PTPRT: variants seen among roughly 807,000 people sequenced by gnomAD.
The protein encoded by PTPRT is receptor-type tyrosine-protein phosphatase T.
A neutral mutation model predicts 176.8 loss-of-function variants in PTPRT; 56 were observed. The observed-to-expected ratio is 0.32, with a 90% CI of 0.26 to 0.40. PTPRT has a LOEUF of 0.40. PTPRT is among the 10% of genes least tolerant of loss of function. The probability of loss-of-function intolerance (pLI) is 1.00; values close to 1 mark genes in which losing one functional copy is unlikely to be tolerated. For missense variants in PTPRT, 1,540 were observed against 1,908.2 expected (o/e 0.81, Z 3.60); for synonymous variants, 783 against 739.0 (o/e 1.06, Z -0.96).
chr20:42,939,084 T>C (rs1043458801), intron 1 of PTPRT, among the ~76,000 whole-genome samples: 1 of 152,202 alleles, frequency 6.6e-6, no homozygotes, highest in Non-Finnish European at 1.5e-5. Flanking sequence ...GTGTAATCCA[T>C]AGAAAGATGA....
rs373591441 is a variant in PTPRT, at chr20:43,171,880, A to G, written c.88+17766T>C. The stretch of plus-strand genomic sequence containing the variant: ...AGAAAGAGCAGAGGACAAGTACCCT[A>G]ACCCCTCTCCTCCTGCCATACCATC... On this transcript the variant is annotated intron_variant, in intron 1 of 30. Transcript: ENST00000373187. 1.8e-4 allele frequency among the ~76,000 whole-genome samples: 27 copies of G among 152,318 alleles called. No homozygotes were observed. In the South Asian group the frequency reaches 5.4e-3, roughly 30 times the overall value.
intron 28 of PTPRT, among the ~76,000 whole-genome samples, chr20:42,085,457 G>A (rs722897): frequency 2.6e-5 from 4 of 152,020 alleles, no homozygotes; most frequent in African/African-American, 7.3e-5. Context: ...CAGTGGGGAA[G>A]AGCTAATGTC....
intron 27 of PTPRT, 149 bp downstream of exon 27, chr20:42,098,272 G>T: frequency 3.6e-6 from 4 of 1,097,058 alleles, no homozygotes; most frequent in Non-Finnish European, 5.1e-6. Flanking sequence ...TAGCAGAATG[G>T]CTTGTCTGAT....
intron 25 of PTPRT, among the ~76,000 whole-genome samples, chr20:42,104,205 C>T (rs771368870): frequency 1.3e-5 from 2 of 152,064 alleles, no homozygotes; most frequent in Non-Finnish European, 2.9e-5. Context: ...GTGGTGGCTC[C>T]TGCCTGTAAT....
chr20:42,838,939 T>C (rs904404591), intron 2 of PTPRT, among the ~76,000 whole-genome samples: 7 of 152,134 alleles, frequency 4.6e-5, no homozygotes, highest in Non-Finnish European at 8.8e-5. Flanking sequence ...TTGAGGCTCC[T>C]ACACCTTTGG....
intron 7 of PTPRT, among the ~76,000 whole-genome samples, chr20:42,545,028 T>C (rs1052117082): frequency 2.0e-5 from 3 of 152,116 alleles, no homozygotes; most frequent in African/African-American, 7.2e-5. Context: ...AAACTAGCAG[T>C]GCTGTGAAGG....
chr20:43,138,119 G>A (rs2013892085), intron 1 of PTPRT, among the ~76,000 whole-genome samples: 1 of 152,210 alleles, frequency 6.6e-6, no homozygotes. Context: ...ATAGGGCCCG[G>A]CACAGAGTGA....
intron 1 of PTPRT, among the ~76,000 whole-genome samples, chr20:42,988,653 C>T (rs1422121006): frequency 1.3e-5 from 2 of 152,228 alleles, no homozygotes; most frequent in Non-Finnish European, 2.9e-5. Context: ...TTATTAGATG[C>T]TTCTCCCAGG....
chr20:43,189,588 G>A lies in PTPRT; in HGVS notation c.88+58C>T, dbSNP rs2015487142. 2 of 1,125,670 alleles carry A rather than the reference G, an allele frequency of 1.8e-6. No individual in the cohort carries two copies. Among genetic ancestry groups the A allele is most frequent in the Non-Finnish European group, 2.2e-6 (2 of 897,780 alleles). The allele number at this position is 1,125,670 out of a possible 1,614,324, so 69.7% of individuals were successfully genotyped here. On this transcript the variant is annotated intron_variant, in intron 1 of 30. Coordinates refer to ENST00000373187, the MANE Select transcript of PTPRT (RefSeq NM_007050.6). The surrounding 1 kb of genome is among the most constrained non-coding windows in gnomAD (Gnocchi z 5.0). ...TCCTCCGAGGGCCCCGCGGCTGGGG[G>A]CCCGCGCGCATCCAGGAGGGAGCGG...
chr20:42,886,046 T>C lies in PTPRT; in HGVS notation c.89-114A>G, dbSNP rs1272898894. ...TTGAATTTTAAACTCTGGAGAAGAT[T>C]TTCCATATATATATATATATATATA... On this transcript the variant is annotated intron_variant, in intron 1 of 30. Transcript: ENST00000373187. 9.2e-6 allele frequency: 5 copies of C among 545,916 alleles called. No homozygotes were observed. The East Asian group carries it at 2.8e-4, about 31-fold the overall frequency. The allele number at this position is 545,916 out of a possible 1,614,324, so 33.8% of individuals were successfully genotyped here. A position where few individuals can be genotyped will look rare whatever the true frequency, so the allele number is the denominator to read the frequency against.
In PTPRT at chr20:42,579,154, C is replaced by T. The variant is rs551938383; in HGVS notation, c.1153+98712G>A. Reference sequence around the variant, plus strand: ...ATTCCCACCTATGAGTGAGAATATGCGGTGTTTGGTTTTTTGTCCTTGTGA... The same window carrying T: ...ATTCCCACCTATGAGTGAGAATATGTGGTGTTTGGTTTTTTGTCCTTGTGA... On this transcript the variant is annotated intron_variant, in intron 7 of 30. Coordinates refer to ENST00000373187, the MANE Select transcript of PTPRT (RefSeq NM_007050.6). Among the ~76,000 whole-genome samples the T allele has an allele frequency of 5.1e-4, 75 of 146,946 alleles. 1 individual carries two copies. The highest frequency in any genetic ancestry group is 1.5e-3 in the African/African-American group (58 of 39,560).
chr20:42,129,611 A>G (rs543124054), intron 18 of PTPRT, among the ~76,000 whole-genome samples: 1 of 152,234 alleles, frequency 6.6e-6, no homozygotes, highest in Non-Finnish European at 1.5e-5. Flanking sequence ...GGGAGGAGGG[A>G]CCTTGGTTTG....
intron 1 of PTPRT, among the ~76,000 whole-genome samples, chr20:43,134,593 T>C (rs1337627722): frequency 6.6e-6 from 1 of 152,144 alleles, no homozygotes; most frequent in Middle Eastern, 3.2e-3. Context: ...GAGCCCAAGC[T>C]CTCTCCCCAA....
At chr20:42,208,339 C>T (rs572295592) in intron 15 of PTPRT, among the ~76,000 whole-genome samples, 1 of 151,406 alleles carries the variant, frequency 6.6e-6, no homozygotes, top group East Asian at 1.9e-4. Flanking sequence ...TTAAAAGACA[C>T]AGACTGGCAA....
chr20:42,690,445 G>A (rs1296889477), intron 6 of PTPRT, among the ~76,000 whole-genome samples: 2 of 152,208 alleles, frequency 1.3e-5, no homozygotes, highest in South Asian at 4.1e-4. Flanking sequence ...AGAGGAACTA[G>A]GCCGAGGGTT....
At chr20:42,648,768 C>T (rs1433320472) in intron 7 of PTPRT, among the ~76,000 whole-genome samples, 5 of 150,656 alleles carry the variant, frequency 3.3e-5, no homozygotes, top group African/African-American at 1.2e-4. Context: ...AAAGACATAC[C>T]TAAGAGTGGG....
At chr20:42,375,186 G>A (rs1250693591) in intron 9 of PTPRT, among the ~76,000 whole-genome samples, 3 of 152,156 alleles carry the variant, frequency 2.0e-5, no homozygotes, top group African/African-American at 4.8e-5. Flanking sequence ...CTTAATGGAA[G>A]GGGACAGTCA....
chr20:43,016,427 C>T (rs1985374183), intron 1 of PTPRT, among the ~76,000 whole-genome samples: 1 of 151,816 alleles, frequency 6.6e-6, no homozygotes, highest in African/African-American at 2.4e-5. Flanking sequence ...GGACTGTGGT[C>T]TCCCCTTTCC....
chr20:42,339,236 C>T (rs1163606707), intron 11 of PTPRT, among the ~76,000 whole-genome samples: 3 of 152,100 alleles, frequency 2.0e-5, no homozygotes, highest in African/African-American at 4.8e-5. Context: ...TAGAAGTGAC[C>T]GTATTCAGAT....
Sources: allele counts gnomAD v4.1 joint callset (sites outside exome capture counted in the v4.1 genomes callset), GRCh38; gene constraint gnomAD v4.1.1; non-coding constraint Gnocchi (gnomAD v3.1); transcripts MANE v1.5; gene names NCBI Gene and HGNC (gene_info 2026-07-23, HGNC 2026-07-21).